BMPR1B: variants seen among roughly 807,000 people sequenced by gnomAD.
BMPR1B encodes the protein bone morphogenetic protein receptor type-1B.
BMPR1B carries 12 observed loss-of-function variants against 59.1 expected under a neutral mutation model. The ratio of observed to expected loss-of-function variants is 0.20; its 90% CI spans 0.13 to 0.33. BMPR1B has a LOEUF of 0.33. Ranked by LOEUF, BMPR1B falls within the 10% of genes least tolerant of loss-of-function variation. BMPR1B has a pLI of 1.00. For synonymous variants in BMPR1B, 237 were observed against 207.3 expected, an observed-to-expected ratio of 1.14 and a Z score of -1.23; for missense variants, 550 against 610.9, an observed-to-expected ratio of 0.90 and a Z score of 1.05.
chr4:94,890,187 G>C (rs1005687552), intron 2 of BMPR1B, among the ~76,000 whole-genome samples: 1 of 152,042 alleles, frequency 6.6e-6, no homozygotes, highest in Non-Finnish European at 1.5e-5. Flanking sequence ...ATAACAAGAA[G>C]CCTGCTAGAG....
At chr4:94,986,932 T>C (rs982872712) in intron 2 of BMPR1B, among the ~76,000 whole-genome samples, 2 of 150,982 alleles carry the variant, frequency 1.3e-5, no homozygotes, top group Middle Eastern at 3.4e-3. Flanking sequence ...TCCCAGCTAC[T>C]CGGGAGGCTG....
At chr4:95,010,488 T>A (rs1468113242) in intron 3 of BMPR1B, among the ~76,000 whole-genome samples, 1 of 152,174 alleles carries the variant, frequency 6.6e-6, no homozygotes, top group Non-Finnish European at 1.5e-5. Context: ...CTTTTGGTGT[T>A]CAGTGTCTTT....
chr4:94,909,951 G>C (rs1728210033), intron 2 of BMPR1B, among the ~76,000 whole-genome samples: 1 of 152,054 alleles, frequency 6.6e-6, no homozygotes, highest in Non-Finnish European at 1.5e-5. Flanking sequence ...AGGTCCCAAA[G>C]TGGCATTTTT....
intron 2 of BMPR1B, among the ~76,000 whole-genome samples, chr4:94,893,190 A>G (rs929728294): frequency 2.0e-5 from 3 of 152,128 alleles, no homozygotes; most frequent in Non-Finnish European, 4.4e-5. Context: ...AAAAGATTAA[A>G]AAATGAAAAA....
At chr4:95,129,065 A>G (rs1335615103) in intron 8 of BMPR1B, among the ~76,000 whole-genome samples, 2 of 152,034 alleles carry the variant, frequency 1.3e-5, no homozygotes, top group South Asian at 2.1e-4. Flanking sequence ...TGTTATACCC[A>G]TGATCAAGTT....
At chr4:95,123,219 A>G (rs565339958) in intron 6 of BMPR1B, among the ~76,000 whole-genome samples, 3 of 152,306 alleles carry the variant, frequency 2.0e-5, no homozygotes, top group South Asian at 2.1e-4. Flanking sequence ...ACATTCTTTT[A>G]AAATATGATT....
At chr4:94,872,921 G>A (rs1726560570) in intron 1 of BMPR1B, among the ~76,000 whole-genome samples, 1 of 152,192 alleles carries the variant, frequency 6.6e-6, no homozygotes, top group South Asian at 2.1e-4. Context: ...CAATTTAAAG[G>A]TAATGTAATC....
intron 3 of BMPR1B, among the ~76,000 whole-genome samples, chr4:95,045,081 G>A (rs1464903634): frequency 1.3e-5 from 2 of 152,116 alleles, no homozygotes; most frequent in Admixed American, 6.5e-5. Context: ...GGCAATAACT[G>A]TTGTTATTAA....
chr4:94,961,979 A>G (rs1403068947), intron 2 of BMPR1B, among the ~76,000 whole-genome samples: 1 of 152,146 alleles, frequency 6.6e-6, no homozygotes, highest in Non-Finnish European at 1.5e-5. Context: ...TTTGAAATAT[A>G]TAATAAATTG....
chr4:94,908,608 C>G (rs959240085), intron 2 of BMPR1B, among the ~76,000 whole-genome samples: 1 of 151,690 alleles, frequency 6.6e-6, no homozygotes, highest in Admixed American at 6.6e-5. Flanking sequence ...TAATGATTCC[C>G]CAGTTTTTAA....
chr4:95,146,438 C>T (rs1451916504), intron 10 of BMPR1B, among the ~76,000 whole-genome samples: 1 of 152,174 alleles, frequency 6.6e-6, no homozygotes, highest in Admixed American at 6.5e-5. Flanking sequence ...ATCTCTACAT[C>T]ACACATTCCA....
chr4:95,073,643 G>GA (rs1036991764), intron 3 of BMPR1B, among the ~76,000 whole-genome samples: 9 of 150,950 alleles, frequency 6.0e-5, no homozygotes, highest in African/African-American at 1.2e-4. Context: ...TCTTCTTAAG[G>GA]AAAAAAAAAT....
intron 1 of BMPR1B, among the ~76,000 whole-genome samples, chr4:94,759,557 A>T (rs926061631): frequency 2.6e-5 from 4 of 152,244 alleles, no homozygotes; most frequent in South Asian, 2.1e-4. Context: ...TGGGCAAGTT[A>T]TGGGAAATGT....
chr4:94,960,718 A>AAT (rs35562478), intron 2 of BMPR1B, among the ~76,000 whole-genome samples: 64 of 150,722 alleles, frequency 4.2e-4, no homozygotes, highest in Admixed American at 7.9e-4. Flanking sequence ...GTGTATGAAA[A>AAT]ATATATATAT....
chr4:94,940,219 C>A (rs7683985), intron 2 of BMPR1B, among the ~76,000 whole-genome samples: 1 of 152,172 alleles, frequency 6.6e-6, no homozygotes, highest in African/African-American at 2.4e-5. Flanking sequence ...TTGTCCAACC[C>A]GTGGCCCACA....
chr4:95,152,566 G>C, intron 11 of BMPR1B, 77 bp from the exon 12 acceptor site: 1 of 1,326,526 alleles, frequency 7.5e-7, no homozygotes, highest in Non-Finnish European at 1.0e-6. Context: ...CTTTTCCTTT[G>C]AGAACTGTGT....
chr4:94,855,248 C>CA (rs1389420791), intron 1 of BMPR1B, among the ~76,000 whole-genome samples: 1 of 152,142 alleles, frequency 6.6e-6, no homozygotes, highest in Non-Finnish European at 1.5e-5. Flanking sequence ...CTTGCCTTCT[C>CA]TCTCATTTTA....
At chr4:94,861,874 T>C (rs17022377) in intron 1 of BMPR1B, among the ~76,000 whole-genome samples, 11,476 of 152,242 alleles carry the variant, frequency 0.075, 492 homozygotes, top group African/African-American at 0.13. Context: ...GAGGTTGTTT[T>C]ACATTGTGTA....
intron 2 of BMPR1B, among the ~76,000 whole-genome samples, chr4:94,965,359 C>T (rs769695821): frequency 2.6e-5 from 4 of 152,018 alleles, no homozygotes; most frequent in Non-Finnish European, 5.9e-5. Flanking sequence ...TAACATATAT[C>T]AAAAGCCTGG....
Sources: gnomAD v4.1 joint callset for allele counts (sites outside exome capture counted in the v4.1 genomes callset) on GRCh38, gnomAD v4.1.1 for gene constraint, MANE v1.5 for transcripts, NCBI Gene and HGNC (gene_info 2026-07-23, HGNC 2026-07-21) for gene names.